Variants in UNC13C observed in about 807,000 individuals in gnomAD.
The protein encoded by UNC13C is unc-13 homolog C.
A neutral mutation model predicts 245.4 loss-of-function variants in UNC13C; 174 were observed. That is an observed-to-expected ratio of 0.71 (90% CI 0.63 to 0.80). The LOEUF (loss-of-function observed/expected upper bound fraction) is 0.80. UNC13C is among the 30% of genes least tolerant of loss of function. The pLI, the probability that UNC13C is intolerant of heterozygous loss-of-function variation, is 0.00. For missense variants in UNC13C, 2,829 were observed against 2,602.9 expected (o/e 1.09, Z -1.89); for synonymous variants, 992 against 895.1 (o/e 1.11, Z -1.93).
intron 2 of UNC13C, among the ~76,000 whole-genome samples, chr15:54,114,480 T>C (rs557136228): frequency 6.6e-6 from 1 of 152,302 alleles, no homozygotes; most frequent in South Asian, 2.1e-4. Flanking sequence ...CAACTTGCTT[T>C]TTTCACTCCA....
upstream of UNC13C, among the ~76,000 whole-genome samples, chr15:53,977,943 T>C (rs188706924): frequency 1.3e-4 from 20 of 152,308 alleles, no homozygotes; most frequent in Middle Eastern, 3.4e-3. Flanking sequence ...CTTCAAATGG[T>C]TTTCCACAAA....
intron 23 of UNC13C, 145 bp downstream of exon 23, chr15:54,507,339 C>T (rs1894518835): frequency 3.3e-6 from 2 of 606,916 alleles, no homozygotes; most frequent in Admixed American, 6.2e-5. Flanking sequence ...GAAACTTCTC[C>T]AGGGTTCTTG....
intron 18 of UNC13C, among the ~76,000 whole-genome samples, chr15:54,414,319 C>T (rs529581019): frequency 2.6e-5 from 4 of 152,288 alleles, no homozygotes; most frequent in Admixed American, 6.5e-5. Context: ...TGCTATTCAG[C>T]TTCATCTGAT....
the UNC13C span, among the ~76,000 whole-genome samples, chr15:53,920,521 C>G: frequency 6.6e-6 from 1 of 151,966 alleles, no homozygotes; most frequent in Non-Finnish European, 1.5e-5. Flanking sequence ...ACACTGCACT[C>G]CAGCCTGGGT....
chr15:54,045,678 T>C (rs969249079), intron 2 of UNC13C, among the ~76,000 whole-genome samples: 2 of 152,184 alleles, frequency 1.3e-5, no homozygotes, highest in African/African-American at 4.8e-5. Context: ...TTCTTAACCA[T>C]ACACCTGAGG....
intron 2 of UNC13C, among the ~76,000 whole-genome samples, chr15:54,026,335 G>T (rs1191641537): frequency 6.6e-6 from 1 of 152,210 alleles, no homozygotes; most frequent in East Asian, 1.9e-4. Flanking sequence ...GAGATCAGGT[G>T]ACAGGCCCAG....
At chr15:54,041,455 A>G (rs1026752156) in intron 2 of UNC13C, among the ~76,000 whole-genome samples, 1 of 152,214 alleles carries the variant, frequency 6.6e-6, no homozygotes, top group Non-Finnish European at 1.5e-5. Context: ...AATGACTGTC[A>G]AGACTCAGAG....
At chr15:54,272,370 T>C (rs2036709243) in intron 10 of UNC13C, among the ~76,000 whole-genome samples, 1 of 151,700 alleles carries the variant, frequency 6.6e-6, no homozygotes, top group African/African-American at 2.4e-5. Context: ...ATATTTAAAA[T>C]ATTTTGATAG....
chr15:54,562,495 A>G (rs1295786557), intron 29 of UNC13C, among the ~76,000 whole-genome samples: 1 of 151,988 alleles, frequency 6.6e-6, no homozygotes, highest in Admixed American at 6.6e-5. Context: ...TGTTGTCCGC[A>G]CATGGTCTTC....
chr15:54,430,901 T>G (rs2040858271), intron 19 of UNC13C, among the ~76,000 whole-genome samples: 1 of 151,704 alleles, frequency 6.6e-6, no homozygotes, highest in African/African-American at 2.4e-5. Flanking sequence ...GAACAAATCT[T>G]GCCTCCTTAG....
At chr15:54,129,314 A>C (rs1044737453) in intron 2 of UNC13C, among the ~76,000 whole-genome samples, 2 of 152,206 alleles carry the variant, frequency 1.3e-5, no homozygotes, top group Non-Finnish European at 2.9e-5. Context: ...GATTTTACTC[A>C]TCTGTGACAC....
rs1157500160 is a variant in UNC13C at position 54,269,868 on chromosome 15, A to T, written c.3818+4372A>T. 2.0e-5 allele frequency among the ~76,000 whole-genome samples: 3 copies of T among 152,220 alleles called. No individual in the cohort carries two copies. In the East Asian group the frequency reaches 5.8e-4, roughly 29 times the overall value. Reference sequence around the variant, plus strand: ...ATGTATTTTTTAAACATCATTTCAAAGAAGAAATTCAAATTTAACACTGTA... The same window carrying T: ...ATGTATTTTTTAAACATCATTTCAATGAAGAAATTCAAATTTAACACTGTA... On this transcript the variant is annotated intron_variant, in intron 10 of 32. Coordinates refer to ENST00000260323, the MANE Select transcript of UNC13C (RefSeq NM_001080534.3).
the UNC13C span, among the ~76,000 whole-genome samples, chr15:53,917,630 C>A: frequency 6.6e-6 from 1 of 152,250 alleles, no homozygotes; most frequent in Admixed American, 6.5e-5. Flanking sequence ...AAATGTGACA[C>A]AAAGGGCCTC....
At chr15:54,205,102 A>C (rs2034665722) in intron 4 of UNC13C, among the ~76,000 whole-genome samples, 1 of 152,014 alleles carries the variant, frequency 6.6e-6, no homozygotes, top group African/African-American at 2.4e-5. Context: ...AAAAATATAG[A>C]TTTTATGACT....
At position 54,622,413 on chromosome 15, in the gene UNC13C, G is replaced by A. The variant is rs373600547; in HGVS notation, c.6193G>A (p.Val2065Ile). Reference sequence around the variant, plus strand: ...AGGAACGGGAGATCATAAAGTCACTGTAAAAGGTATACTTCTGGTCTAGAT... The same window carrying A: ...AGGAACGGGAGATCATAAAGTCACTATAAAAGGTATACTTCTGGTCTAGAT... ...TPGTGDHKVT[V>I]KVIAINDLNW... is the part of the protein sequence containing the mutation. The change falls in exon 31 of 33, where the codon GTA (valine) becomes ATA (isoleucine). Residue 2065 changes from valine to isoleucine, a missense_variant. Transcript: ENST00000260323. 72 of 1,611,264 alleles carry A rather than the reference G, an allele frequency of 4.5e-5. No homozygotes were observed. Among genetic ancestry groups the A allele is most frequent in the Non-Finnish European group, 5.9e-5 (70 of 1,177,816 alleles).
chr15:53,919,863 A>G, the UNC13C span, among the ~76,000 whole-genome samples: 2 of 152,220 alleles, frequency 1.3e-5, no homozygotes, highest in Non-Finnish European at 2.9e-5. Context: ...GTATTTATGT[A>G]TATTTTTAAA....
chr15:53,873,854 CCT>C, the UNC13C span, among the ~76,000 whole-genome samples: 48 of 131,530 alleles, frequency 3.6e-4, no homozygotes, highest in Non-Finnish European at 5.3e-4. Context: ...AGCATCTATC[CCT>C]CTCTCTCTCT....
At chr15:54,136,743 T>A (rs2031754984) in intron 2 of UNC13C, among the ~76,000 whole-genome samples, 1 of 152,108 alleles carries the variant, frequency 6.6e-6, no homozygotes. Flanking sequence ...TTGCTAAGAG[T>A]TTTTATCATG....
At chr15:54,138,906 C>T (rs948557106) in intron 2 of UNC13C, among the ~76,000 whole-genome samples, 5 of 128,112 alleles carry the variant, frequency 3.9e-5, no homozygotes, top group South Asian at 2.7e-4. Flanking sequence ...CATCACTAAT[C>T]TTTACTTGAT....
Sources: allele counts gnomAD v4.1 joint callset (sites outside exome capture counted in the v4.1 genomes callset), GRCh38; gene constraint gnomAD v4.1.1; transcripts MANE v1.5; gene names NCBI Gene and HGNC (gene_info 2026-07-23, HGNC 2026-07-21).